Variants in MSL1 observed in about 807,000 individuals in gnomAD.
MSL1 encodes the protein male-specific lethal 1 homolog.
A neutral mutation model predicts 64.6 loss-of-function variants in MSL1; 21 were observed. That is an observed-to-expected ratio of 0.33 (90% confidence interval 0.23 to 0.47). MSL1 has a LOEUF of 0.47. MSL1 is among the 20% of genes least tolerant of loss of function. The pLI is 1.00. For synonymous variants in MSL1, 339 were observed against 329.6 expected, an observed-to-expected ratio of 1.03 and a Z score of -0.31; for missense variants, 664 against 793.2, an observed-to-expected ratio of 0.84 and a Z score of 1.96.
rs777502851 is a variant in MSL1, at chr17:40,134,263, C to A, written c.1755-16C>A. The A allele has an allele frequency of 4.5e-6, 7 of 1,551,274 alleles. No homozygotes were observed. The highest frequency in any genetic ancestry group is 4.4e-6 in the Non-Finnish European group (5 of 1,146,276). ...TTCTAGTCTTGCAAGTTGATTTCCTCATCCTTTTTTGCCAGGAATTTTGAG... is the reference window on the plus strand; with the variant it reads ...TTCTAGTCTTGCAAGTTGATTTCCTAATCCTTTTTTGCCAGGAATTTTGAG... On this transcript the variant is annotated splice_polypyrimidine_tract_variant and intron_variant, in intron 8 of 8. Transcript: ENST00000398532.
At chr17:40,126,089 G>A in intron 1 of MSL1, 94 bp from the exon 2 acceptor site, 1 of 1,076,938 alleles carries the variant, frequency 9.3e-7, no homozygotes, top group Admixed American at 2.1e-5. Flanking sequence ...CATAGAAAGA[G>A]GCAGAAGACT....
intron 2 of MSL1, among the ~76,000 whole-genome samples, chr17:40,127,768 T>A (rs929293601): frequency 5.3e-5 from 8 of 152,198 alleles, no homozygotes; most frequent in Non-Finnish European, 8.8e-5. Context: ...TTTTGTAAGA[T>A]TCAGGGATAT....
rs1485235582 is a variant in MSL1, at chr17:40,134,453, C to T, written c.*84C>T. ...AGAGACCTGTATATGTGACCTTTGT[C>T]CTCACATATGTTATCACTCGCTGAT... On this transcript the variant is annotated 3_prime_UTR_variant, in exon 9 of 9. Coordinates refer to ENST00000398532, the MANE Select transcript of MSL1 (RefSeq NM_001365919.1). 2 of 1,103,658 alleles carry T rather than the reference C, an allele frequency of 1.8e-6. No individual in the cohort carries two copies. The highest frequency in any genetic ancestry group is 2.7e-6 in the Non-Finnish European group (2 of 740,912). The allele number at this position is 1,103,658 out of a possible 1,614,324, so 68.4% of individuals were successfully genotyped here.
At position 40,131,882 on chromosome 17, in the gene MSL1, G is replaced by A. The variant is rs1988444443; in HGVS notation, c.1424-152G>A. The A allele has an allele frequency of 6.3e-6, 4 of 634,296 alleles. No homozygotes were observed. The highest frequency in any genetic ancestry group is 2.8e-5 in the Admixed American group (1 of 36,018). 39.3% of individuals were successfully genotyped at this position (634,296 alleles called of 1,614,324 possible). On this transcript the variant is annotated intron_variant, in intron 4 of 8. Transcript: ENST00000398532. This position sits in a 1 kb window ranked among gnomAD's most constrained non-coding sequence, Gnocchi z 4.5. ...TACCATAGCAAGGACACTGAATATGGCTTCAGGGAGGCCATAGAATGGATT... is the reference window on the plus strand; with the variant it reads ...TACCATAGCAAGGACACTGAATATGACTTCAGGGAGGCCATAGAATGGATT...
At position 40,122,581 on chromosome 17, in the gene MSL1, C is replaced by A; in HGVS notation, c.-32C>A. ...CTCGCCCCTTCCCCACCCCCTCCTC[C>A]GCCTCGGTGCCCGGCGCTGCTCCGG... On this transcript the variant is annotated 5_prime_UTR_variant, in exon 1 of 9. Coordinates refer to ENST00000398532, the MANE Select transcript of MSL1 (RefSeq NM_001365919.1). This position sits in a 1 kb window ranked among gnomAD's most constrained non-coding sequence, Gnocchi z 4.2. The A allele has an allele frequency of 7.2e-7, 1 of 1,391,814 alleles. No homozygotes were observed. Among genetic ancestry groups the A allele is most frequent in the Non-Finnish European group, 9.3e-7 (1 of 1,075,956 alleles). The allele number at this position is 1,391,814 out of a possible 1,614,324, so 86.2% of individuals were successfully genotyped here.
chr17:40,127,746 C>T lies in MSL1; in HGVS notation c.992+1340C>T, dbSNP rs1445658231. 2.6e-5 allele frequency among the ~76,000 whole-genome samples: 4 copies of T among 152,142 alleles called. No homozygotes were observed. The East Asian group carries it at 5.8e-4, about 22-fold the overall frequency. ...CCTCCCGAAGTGCTGGGATTACAGA[C>T]ATTAAACTAAGTTTTGTAAGATTCA... is the stretch of plus-strand genomic sequence containing the variant. On this transcript the variant is annotated intron_variant, in intron 2 of 8. Coordinates refer to ENST00000398532, the MANE Select transcript of MSL1 (RefSeq NM_001365919.1).
chr17:40,125,584 A>G (rs963441181), intron 1 of MSL1, among the ~76,000 whole-genome samples: 19 of 152,248 alleles, frequency 1.2e-4, no homozygotes, highest in African/African-American at 4.3e-4. Context: ...AGGCCTACGC[A>G]GGTGGACCAC....
Position 40,122,177 on chromosome 17 carries a change from G to T in MSL1, c.-436G>T, listed in dbSNP as rs1214078919. ...CCTCCACCCCCTCCTGAGGAGGAGG[G>T]GGGGGAAATGGAGGCTCGGGGCGGT... is the stretch of plus-strand genomic sequence containing the variant. On this transcript the variant is annotated 5_prime_UTR_variant, in exon 1 of 9. Transcript: ENST00000398532. The surrounding 1 kb of genome is among the most constrained non-coding windows in gnomAD (Gnocchi z 4.2). 1.3e-5 allele frequency: 2 copies of T among 150,676 alleles called. No homozygotes were observed. Among genetic ancestry groups the T allele is most frequent in the Non-Finnish European group, 3.0e-5 (2 of 67,406 alleles). The allele number at this position is 150,676 out of a possible 1,614,324, so 9.3% of individuals were successfully genotyped here. A position where few individuals can be genotyped will look rare whatever the true frequency, so the allele number is the denominator to read the frequency against.
In MSL1 at chr17:40,126,482, GT is replaced by G; in HGVS notation, c.992+80del. ...GTAGGAGATTGGGATTTATGAATTG[GT>G]TTTATAGCAATCATAACTTGCTTTA... On this transcript the variant is annotated intron_variant, in intron 2 of 8. Transcript: ENST00000398532. 7 of 1,350,932 alleles carry G rather than the reference GT, an allele frequency of 5.2e-6. No homozygotes were observed. In the Admixed American group the frequency reaches 7.6e-5, roughly 15 times the overall value. The allele number at this position is 1,350,932 out of a possible 1,614,324, so 83.7% of individuals were successfully genotyped here.
chr17:40,131,982 T>A lies in MSL1; in HGVS notation c.1424-52T>A. On this transcript the variant is annotated intron_variant, in intron 4 of 8. Transcript: ENST00000398532. This position sits in a 1 kb window ranked among gnomAD's most constrained non-coding sequence, Gnocchi z 4.5. ...GTGAATAGTTGTGCAACTTTGGATT[T>A]AAGGGTGGTTCCACCCCTCCTCCCT... 1 of 1,349,952 alleles carries A rather than the reference T, an allele frequency of 7.4e-7. No individual in the cohort carries two copies. The highest frequency in any genetic ancestry group is 1.0e-6 in the Non-Finnish European group (1 of 968,482). 83.6% of individuals were successfully genotyped at this position (1,349,952 alleles called of 1,614,324 possible).
chr17:40,128,657 C>T (rs1988376378), intron 2 of MSL1, among the ~76,000 whole-genome samples: 2 of 149,874 alleles, frequency 1.3e-5, no homozygotes, highest in African/African-American at 4.9e-5. Context: ...GCTGGGATTA[C>T]AGGCGTGAGC....
In MSL1 at chr17:40,126,176, CT is replaced by C; in HGVS notation, c.769-3del. The C allele has an allele frequency of 6.2e-7, 1 of 1,613,694 alleles. No individual in the cohort carries two copies. Among genetic ancestry groups the C allele is most frequent in the Non-Finnish European group, 8.5e-7 (1 of 1,179,626 alleles). On this transcript the variant is annotated splice_polypyrimidine_tract_variant and splice_region_variant and intron_variant, in intron 1 of 8. Transcript: ENST00000398532. Reference sequence around the variant, plus strand: ...TTAAGTCTGCATTTTGCTACTCTCTCTTTTAGCTCCTTGCTCGGATTGAACG... The same window carrying C: ...TTAAGTCTGCATTTTGCTACTCTCTCTTTAGCTCCTTGCTCGGATTGAACG...
Position 40,133,580 on chromosome 17 carries a change from C to A in MSL1, c.1603C>A (p.Gln535Lys). 6.2e-7 allele frequency: 1 copy of A among 1,612,594 alleles called. No homozygotes were observed. Residue 535 changes from glutamine (Q) to lysine (K), a missense_variant, in exon 7 of 9, where the codon CAG (glutamine) becomes AAG (lysine). Transcript: ENST00000398532. Reference protein sequence around the residue: ...IREQRILQRLQLRMYKKKGIQ... With the variant: ...IREQRILQRLKLRMYKKKGIQ... ...GGAACAAAGAATTTTACAGCGACTG[C>A]AGCTCAGAATGTATAAAAAGAAAGG...
chr17:40,125,582 G>A (rs1272776415), intron 1 of MSL1, among the ~76,000 whole-genome samples: 1 of 152,168 alleles, frequency 6.6e-6, no homozygotes, highest in Non-Finnish European at 1.5e-5. Flanking sequence ...GGAGGCCTAC[G>A]CAGGTGGACC....
chr17:40,133,120 A>C lies in MSL1; in HGVS notation c.1556+11A>C. The C allele has an allele frequency of 6.2e-7, 1 of 1,600,994 alleles. No homozygotes were observed. The highest frequency in any genetic ancestry group is 8.5e-7 in the Non-Finnish European group (1 of 1,173,418). On this transcript the variant is annotated intron_variant, in intron 6 of 8. Coordinates refer to ENST00000398532, the MANE Select transcript of MSL1 (RefSeq NM_001365919.1). ...GAAGAGAAGGAAAAGGTGAGGCCAGAGATGTCCATCCTGGAAACAACTGAG... is the reference window on the plus strand; with the variant it reads ...GAAGAGAAGGAAAAGGTGAGGCCAGCGATGTCCATCCTGGAAACAACTGAG...
chr17:40,132,902 TAC>T (rs1251301956), intron 5 of MSL1, 138 bp from the exon 6 acceptor site: 7 of 683,456 alleles, frequency 1.0e-5, no homozygotes, highest in Non-Finnish European at 1.8e-5. Context: ...GAGGTTCCCA[TAC>T]TGTCCATGGA....
intron 1 of MSL1, among the ~76,000 whole-genome samples, chr17:40,125,788 A>G (rs1253283549): frequency 6.6e-6 from 1 of 152,206 alleles, no homozygotes; most frequent in Non-Finnish European, 1.5e-5. Flanking sequence ...TCTCAAAACA[A>G]AAACAAAAAC....
rs1219370575 is a variant in MSL1, at chr17:40,131,906, T to C, written c.1424-128T>C. ...GGCTTCAGGGAGGCCATAGAATGGATTCCTATCACTTGGTAACTTTGTCTC... is the reference window on the plus strand; with the variant it reads ...GGCTTCAGGGAGGCCATAGAATGGACTCCTATCACTTGGTAACTTTGTCTC... On this transcript the variant is annotated intron_variant, in intron 4 of 8. Transcript: ENST00000398532. The surrounding 1 kb of genome is among the most constrained non-coding windows in gnomAD (Gnocchi z 4.5). 5.8e-6 allele frequency: 4 copies of C among 687,368 alleles called. No homozygotes were observed. The highest frequency in any genetic ancestry group is 1.0e-5 in the Non-Finnish European group (4 of 401,910). The allele number at this position is 687,368 out of a possible 1,614,324, so 42.6% of individuals were successfully genotyped here. A position where few individuals can be genotyped will look rare whatever the true frequency, so the allele number is the denominator to read the frequency against.
In MSL1 at chr17:40,123,164, G is replaced by C. The variant is rs1308235158; in HGVS notation, c.552G>C (p.Ala184=). 4.0e-5 allele frequency: 62 copies of C among 1,534,222 alleles called. No homozygotes were observed. The highest frequency in any genetic ancestry group is 5.0e-5 in the Non-Finnish European group (57 of 1,146,300). Residue 184 remains alanine, a synonymous_variant, in exon 1 of 9, where the codon GCG becomes GCC. Transcript: ENST00000398532. ...PLPLPGPPPL[A]PTATAGTLAA... ...CTCTGCCCGGGCCGCCACCCCTCGCGCCCACCGCCACCGCCGGGACCCTGG... is the reference window on the plus strand; with the variant it reads ...CTCTGCCCGGGCCGCCACCCCTCGCCCCCACCGCCACCGCCGGGACCCTGG...
Sources: allele counts gnomAD v4.1 joint callset (sites outside exome capture counted in the v4.1 genomes callset), GRCh38; gene constraint gnomAD v4.1.1; non-coding constraint Gnocchi (gnomAD v3.1); transcripts MANE v1.5; gene names NCBI Gene and HGNC (gene_info 2026-07-23, HGNC 2026-07-21).